The following MBTPS1 variants were observed in gnomAD, a reference collection of about 807,000 sequenced individuals.
MBTPS1 encodes the protein membrane-bound transcription factor site-1 protease.
Under a neutral mutation model 127.8 loss-of-function variants are expected in MBTPS1, and 94 were observed. The observed-to-expected ratio is 0.74, with a 90% CI of 0.62 to 0.87. The LOEUF (loss-of-function observed/expected upper bound fraction) is 0.87, where lower values mean the gene tolerates loss of function less well. MBTPS1 is among the 40% of genes least tolerant of loss of function. The probability of loss-of-function intolerance (pLI) is 0.00; values close to 1 mark genes in which losing one functional copy is unlikely to be tolerated. For missense variants in MBTPS1, 1,636 were observed against 1,353.2 expected (o/e 1.21, Z -3.28); for synonymous variants, 632 against 509.4 (o/e 1.24, Z -3.24).
At chr16:84,065,972 A>C (rs958595891) in intron 17 of MBTPS1, among the ~76,000 whole-genome samples, 1 of 152,230 alleles carries the variant, frequency 6.6e-6, no homozygotes, top group Admixed American at 6.5e-5. Context: ...CACTACTAAC[A>C]TCAGGTTTCT....
At chr16:84,083,614 T>C (rs16962741) in intron 10 of MBTPS1, among the ~76,000 whole-genome samples, 26,415 of 152,132 alleles carry the variant, frequency 0.17, 2,488 homozygotes, top group East Asian at 0.33. Context: ...TATTAAGGAT[T>C]ACTAACAAAA....
chr16:84,081,844 G>A lies in MBTPS1; in HGVS notation c.1351C>T (p.Arg451Trp), dbSNP rs780885578. 5.9e-6 allele frequency: 9 copies of A among 1,529,812 alleles called. No individual in the cohort carries two copies. The highest frequency in any genetic ancestry group is 1.4e-5 in the African/African-American group (1 of 71,182). 94.8% of individuals were successfully genotyped at this position (1,529,812 alleles called of 1,614,324 possible). A position where few individuals can be genotyped will look rare whatever the true frequency, so the allele number is the denominator to read the frequency against. Residue 451 changes from arginine (R) to tryptophan (W), a missense_variant, in exon 11 of 23, where the codon CGG (arginine) becomes TGG (tryptophan). Arg to Trp is a moderately radical substitution (Grantham distance 101). Coordinates refer to ENST00000343411, the MANE Select transcript of MBTPS1 (RefSeq NM_003791.4). Reference protein sequence around the residue: ...SMKQALIASARRLPGVNMFEQ... With the variant: ...SMKQALIASAWRLPGVNMFEQ... ...AACATGTTGACCCCGGGGAGCCTCC[G>A]GGCTGACGCGATCAGGGCCTGCTTC...
At chr16:84,103,783 G>A (rs1005251445) in intron 1 of MBTPS1, among the ~76,000 whole-genome samples, 3 of 152,138 alleles carry the variant, frequency 2.0e-5, no homozygotes, top group Non-Finnish European at 4.4e-5. Context: ...GACTTTCACT[G>A]CTGTACTAAC....
rs1030576478 is a variant in MBTPS1, at chr16:84,054,507, C to A, written c.3101G>T (p.Arg1034Met). 1 of 1,613,752 alleles carries A rather than the reference C, an allele frequency of 6.2e-7. No homozygotes were observed. The highest frequency in any genetic ancestry group is 8.5e-7 in the Non-Finnish European group (1 of 1,179,820). ...AKSRPKRRKP[R>M]VKRPQLMQQV... ...CTGCATGAGCTGCGGGCGCTTCACC[C>A]TGGGCTTCCTCCGCTTCGGCCTGCT... The change falls in exon 23 of 23, where the codon AGG (arginine) becomes ATG (methionine). Residue 1034 changes from arginine (R) to methionine (M), a missense_variant. By Grantham distance (91) the Arg-to-Met change is moderately conservative (BLOSUM62 -1). Coordinates refer to ENST00000343411, the MANE Select transcript of MBTPS1 (RefSeq NM_003791.4).
At chr16:84,101,491 A>AG in intron 2 of MBTPS1, 130 bp downstream of exon 2, 1 of 207,818 alleles carries the variant, frequency 4.8e-6, no homozygotes, top group Non-Finnish European at 8.5e-6. Context: ...ACTCTGTCTC[A>AG]AAAAAAAAAA....
chr16:84,068,572 G>A, intron 14 of MBTPS1, 118 bp from the exon 15 acceptor site: 1 of 703,360 alleles, frequency 1.4e-6, no homozygotes, highest in Non-Finnish European at 2.5e-6. Flanking sequence ...AGAAGGCCTG[G>A]ATGGCTGGCC....
chr16:84,086,831 G>A (rs1195126652), intron 9 of MBTPS1, among the ~76,000 whole-genome samples: 2 of 152,202 alleles, frequency 1.3e-5, no homozygotes, highest in Non-Finnish European at 2.9e-5. Context: ...GTGGGTGAAT[G>A]TGCTGCATAA....
chr16:84,095,905 G>A, intron 3 of MBTPS1, 100 bp from the exon 4 acceptor site: 1 of 919,942 alleles, frequency 1.1e-6, no homozygotes, highest in Non-Finnish European at 1.7e-6. Context: ...ATTACCATTT[G>A]CCACTCTGTT....
chr16:84,111,664 A>C (rs979961501), intron 1 of MBTPS1, among the ~76,000 whole-genome samples: 1 of 152,220 alleles, frequency 6.6e-6, no homozygotes, highest in Non-Finnish European at 1.5e-5. Context: ...TTCTCTCCAC[A>C]GAGCCTCCAG....
At chr16:84,089,389 A>G (rs893159111) in intron 8 of MBTPS1, among the ~76,000 whole-genome samples, 8 of 152,272 alleles carry the variant, frequency 5.3e-5, no homozygotes, top group Non-Finnish European at 1.2e-4. Flanking sequence ...CTTTACAGAA[A>G]AAGTTTGCAA....
At position 84,101,609 on chromosome 16, in the gene MBTPS1, C is replaced by T; in HGVS notation, c.163+12G>A. 6.2e-7 allele frequency: 1 copy of T among 1,600,294 alleles called. No individual in the cohort carries two copies. Among genetic ancestry groups the T allele is most frequent in the Non-Finnish European group, 8.5e-7 (1 of 1,171,590 alleles). ...GGATGGGAGTTCCTAATACTTAAGA[C>T]AACATCATTACCATATTCCACAACT... On this transcript the variant is annotated intron_variant, in intron 2 of 22. Coordinates refer to ENST00000343411, the MANE Select transcript of MBTPS1 (RefSeq NM_003791.4).
chr16:84,072,188 C>T (rs1006719398), intron 12 of MBTPS1: 3 of 152,264 alleles, frequency 2.0e-5, no homozygotes, highest in African/African-American at 2.4e-5. Flanking sequence ...ACTGTGAAAA[C>T]CTGAGGCTGA....
Position 84,091,806 on chromosome 16 carries a change from T to A in MBTPS1, c.889A>T (p.Ile297Phe), listed in dbSNP as rs776767361. 1 of 1,614,034 alleles carries A rather than the reference T, an allele frequency of 6.2e-7. No individual in the cohort carries two copies. Among genetic ancestry groups the A allele is most frequent in the South Asian group, 1.1e-5 (1 of 91,094 alleles). The change falls in exon 7 of 23, where the codon ATT (isoleucine) becomes TTT (phenylalanine). Residue 297 changes from isoleucine (I) to phenylalanine (F), a missense_variant. By Grantham distance (21) the Ile-to-Phe change is conservative. Transcript: ENST00000343411. ...SWFLDAFNYA[I>F]LKKIDVLNLS... Reference sequence around the variant, plus strand: ...TTTAACACGTCGATCTTCTTTAAAATGGCATAGTTGAAGGCGTCCAAAAAC... The same window carrying A: ...TTTAACACGTCGATCTTCTTTAAAAAGGCATAGTTGAAGGCGTCCAAAAAC...
intron 17 of MBTPS1, 32 bp from the exon 18 acceptor site, chr16:84,065,799 C>T: frequency 7.4e-7 from 1 of 1,354,306 alleles, no homozygotes; most frequent in Non-Finnish European, 1.0e-6. Context: ...CAAGGGAACA[C>T]AGGAACGCCG....
chr16:84,066,612 G>A lies in MBTPS1; in HGVS notation c.2230C>T (p.Gln744Ter), dbSNP rs1394300212. ...KVKFYDENTR[Q>*]WWMPDTGGAN... Reference sequence around the variant, plus strand: ...CCTCCGGTATCCGGCATCCACCACTGCCTGGGAAAGTGGTAACAGACACAC... The same window carrying A: ...CCTCCGGTATCCGGCATCCACCACTACCTGGGAAAGTGGTAACAGACACAC... Residue 744 changes from glutamine (Q) to a stop codon, truncating the protein, a stop_gained and splice_region_variant, in exon 17 of 23, where the codon CAG becomes TAG. Coordinates refer to ENST00000343411, the MANE Select transcript of MBTPS1 (RefSeq NM_003791.4). LOFTEE classifies it high-confidence loss of function. 6.2e-7 allele frequency: 1 copy of A among 1,613,818 alleles called. No individual in the cohort carries two copies. Among genetic ancestry groups the A allele is most frequent in the Non-Finnish European group, 8.5e-7 (1 of 1,179,820 alleles).
At chr16:84,055,203 G>A (rs1317738740) in intron 22 of MBTPS1, among the ~76,000 whole-genome samples, 2 of 152,222 alleles carry the variant, frequency 1.3e-5, no homozygotes, top group African/African-American at 2.4e-5. Flanking sequence ...AAGGCCAAGG[G>A]CTCTGGAATT....
chr16:84,116,907 T>C lies in MBTPS1; in HGVS notation c.-497A>G, dbSNP rs953132386. On this transcript the variant is annotated 5_prime_UTR_variant, in exon 1 of 23. Coordinates refer to ENST00000343411, the MANE Select transcript of MBTPS1 (RefSeq NM_003791.4). Reference sequence around the variant, plus strand: ...AGCTCCGCCGACCCAGCGTGCCCTGTCTGTCCCGCGCTCCCGGGGCTTGCG... The same window carrying C: ...AGCTCCGCCGACCCAGCGTGCCCTGCCTGTCCCGCGCTCCCGGGGCTTGCG... 2 of 152,268 alleles carry C rather than the reference T, an allele frequency of 1.3e-5. No homozygotes were observed. Among genetic ancestry groups the C allele is most frequent in the African/African-American group, 2.4e-5 (1 of 41,470 alleles). The allele number at this position is 152,268 out of a possible 1,614,324, so 9.4% of individuals were successfully genotyped here.
chr16:84,101,110 C>A (rs2151168642), intron 2 of MBTPS1, among the ~76,000 whole-genome samples: 1 of 151,948 alleles, frequency 6.6e-6, no homozygotes, highest in African/African-American at 2.4e-5. Context: ...ACCAGCCTGG[C>A]CAATGTGGTG....
At chr16:84,114,834 A>T (rs147783259) in intron 1 of MBTPS1, among the ~76,000 whole-genome samples, 1,612 of 151,610 alleles carry the variant, frequency 0.011, 38 homozygotes, top group African/African-American at 0.038. Context: ...GTCTCAAAAA[A>T]ATAAAAATAA....
Sources: gnomAD v4.1 joint callset for allele counts (sites outside exome capture counted in the v4.1 genomes callset) on GRCh38, gnomAD v4.1.1 for gene constraint, MANE v1.5 for transcripts, NCBI Gene and HGNC (gene_info 2026-07-23, HGNC 2026-07-21) for gene names.